The following XYLB variants were observed in gnomAD, a reference collection of about 807,000 sequenced individuals.
XYLB encodes xylulose kinase.
In XYLB, 62 loss-of-function variants were observed where a neutral mutation model predicts 78.7. The ratio of observed to expected loss-of-function variants is 0.79; its 90% confidence interval spans 0.64 to 0.97. The LOEUF is 0.97. Ranked by LOEUF, XYLB falls within the 50% of genes least tolerant of loss-of-function variation. XYLB has a pLI of 0.00. For synonymous variants in XYLB, 245 were observed against 247.4 expected (o/e 0.99, Z 0.09); for missense variants, 687 against 676.8 (o/e 1.02, Z -0.17).
At chr3:38,356,028 C>T (rs1705630743) in intron 2 of XYLB, 1 of 456,054 alleles carries the variant, frequency 2.2e-6, no homozygotes, top group East Asian at 3.5e-5. Context: ...GAGGCGGGCA[C>T]ATCACGAGGT....
At chr3:38,374,144 T>C (rs1026170424) in intron 10 of XYLB, among the ~76,000 whole-genome samples, 2 of 152,210 alleles carry the variant, frequency 1.3e-5, no homozygotes. Context: ...CTGTATATCC[T>C]TGGTGTCTTG....
intron 18 of XYLB, among the ~76,000 whole-genome samples, chr3:38,402,918 A>C (rs1708173925): frequency 6.6e-6 from 1 of 152,228 alleles, no homozygotes; most frequent in African/African-American, 2.4e-5. Flanking sequence ...TAAAAATAAA[A>C]ATAAATGATT....
At position 38,388,180 on chromosome 3, in the gene XYLB, T is replaced by G. The variant is rs868247144; in HGVS notation, c.1292-7325T>G. ...GGTGGTTTTTTTTTGTTTTTTTTTT[T>G]TTTTTTTTTTTACTTTTATCATTTA... On this transcript the variant is annotated intron_variant, in intron 15 of 18. Transcript: ENST00000207870. Among the ~76,000 whole-genome samples the G allele has an allele frequency of 1.8e-3, 268 of 150,798 alleles. 2 individuals are homozygous for G. The East Asian group carries it at 0.018, about 10-fold the overall frequency.
the XYLB span, among the ~76,000 whole-genome samples, chr3:38,442,446 G>A: frequency 3.7e-4 from 57 of 152,262 alleles, no homozygotes; most frequent in African/African-American, 1.3e-3. Flanking sequence ...GGGCAAGACC[G>A]TCCACATAAG....
the XYLB span, among the ~76,000 whole-genome samples, chr3:38,439,807 CT>C: frequency 6.6e-6 from 1 of 152,166 alleles, no homozygotes; most frequent in East Asian, 1.9e-4. Flanking sequence ...TTTGAGAAAC[CT>C]TTTCCTGTAA....
At chr3:38,430,013 CAT>C in the XYLB span, among the ~76,000 whole-genome samples, 4 of 152,206 alleles carry the variant, frequency 2.6e-5, no homozygotes, top group Non-Finnish European at 5.9e-5. Flanking sequence ...CCACAGTAAA[CAT>C]ATGTGTTCGT....
chr3:38,419,769 G>T, downstream of XYLB, among the ~76,000 whole-genome samples: 1 of 150,482 alleles, frequency 6.6e-6, no homozygotes, highest in Admixed American at 6.6e-5. Context: ...AATTGTTTTT[G>T]CTAGCATGTA....
At chr3:38,394,475 GTTTTC>G (rs1382534002) in intron 15 of XYLB, among the ~76,000 whole-genome samples, 2 of 152,074 alleles carry the variant, frequency 1.3e-5, no homozygotes, top group African/African-American at 4.8e-5. Flanking sequence ...GCAAATGACA[GTTTTC>G]TTTTCCTTTA....
the XYLB span, among the ~76,000 whole-genome samples, chr3:38,437,523 ACT>A: frequency 1.3e-5 from 2 of 152,148 alleles, no homozygotes; most frequent in African/African-American, 4.8e-5. Flanking sequence ...AAACCTAAAG[ACT>A]CTACTAAAAA....
rs1706053956 is a variant in XYLB, at chr3:38,362,957, G to A, written c.231G>A (p.Glu77=). The stretch of plus-strand genomic sequence containing the variant: ...CTTAGGCACTGGATATCATCTTGGA[G>A]AAGATGAAGGCTTCGGGCTTCGACT... ...MWVQALDIIL[E]KMKASGFDFS... Residue 77 remains glutamate, a synonymous_variant, in exon 4 of 19, where the codon GAG becomes GAA. Coordinates refer to ENST00000207870, the MANE Select transcript of XYLB (RefSeq NM_005108.4). 3 of 1,584,342 alleles carry A rather than the reference G, an allele frequency of 1.9e-6. No individual in the cohort carries two copies. The highest frequency in any genetic ancestry group is 2.6e-6 in the Non-Finnish European group (3 of 1,164,230).
chr3:38,415,260 A>G (rs990920163), downstream of XYLB, among the ~76,000 whole-genome samples: 1 of 152,236 alleles, frequency 6.6e-6, no homozygotes, highest in Non-Finnish European at 1.5e-5. Flanking sequence ...TCCTTTAAGT[A>G]TCAAGGATAT....
chr3:38,406,841 TAAAA>T (rs1708343614), intron 18 of XYLB, among the ~76,000 whole-genome samples: 1 of 151,988 alleles, frequency 6.6e-6, no homozygotes, highest in South Asian at 2.1e-4. Flanking sequence ...GAAAAAAGAA[TAAAA>T]AGAAACAAGC....
At chr3:38,356,429 T>C (rs1163553313) in intron 2 of XYLB, 1 of 152,308 alleles carries the variant, frequency 6.6e-6, no homozygotes, top group Non-Finnish European at 1.5e-5. Flanking sequence ...AACCCTGTAT[T>C]AATTAGCATC....
At chr3:38,420,369 G>C (rs1054732663) in exon 18 of XYLB, among the ~76,000 whole-genome samples, 6 of 152,190 alleles carry the variant, frequency 3.9e-5, no homozygotes, top group Non-Finnish European at 7.3e-5. Flanking sequence ...TCCTTGCCTT[G>C]TTCCTGATCT....
intron 18 of XYLB, among the ~76,000 whole-genome samples, chr3:38,411,099 C>T (rs1487586670): frequency 1.3e-5 from 2 of 152,120 alleles, no homozygotes; most frequent in Non-Finnish European, 2.9e-5. Context: ...TATTGCGGCA[C>T]TATTCACAAT....
At chr3:38,431,180 C>T in the XYLB span, among the ~76,000 whole-genome samples, 13 of 152,172 alleles carry the variant, frequency 8.5e-5, no homozygotes, top group Admixed American at 8.5e-4. Flanking sequence ...TTCTTCCTAT[C>T]CACGAGCATG....
chr3:38,396,193 T>A (rs1233960191), intron 16 of XYLB, among the ~76,000 whole-genome samples: 1 of 152,190 alleles, frequency 6.6e-6, no homozygotes, highest in Admixed American at 6.5e-5. Flanking sequence ...GAAATGGGAA[T>A]TCTTCTATAA....
chr3:38,424,058 A>C (rs1458632296), downstream of XYLB, among the ~76,000 whole-genome samples: 1 of 152,226 alleles, frequency 6.6e-6, no homozygotes, highest in Non-Finnish European at 1.5e-5. Flanking sequence ...AGGAGATCCC[A>C]GTCTCACAAA....
At chr3:38,401,514 G>C (rs1708123261) in intron 18 of XYLB, among the ~76,000 whole-genome samples, 1 of 152,192 alleles carries the variant, frequency 6.6e-6, no homozygotes, top group Non-Finnish European at 1.5e-5. Flanking sequence ...AAAGGGAGTA[G>C]ACAGGATTGG....
Sources: gnomAD v4.1 joint callset for allele counts (sites outside exome capture counted in the v4.1 genomes callset) on GRCh38, gnomAD v4.1.1 for gene constraint, MANE v1.5 for transcripts, NCBI Gene and HGNC (gene_info 2026-07-23, HGNC 2026-07-21) for gene names.